The following TENM3 variants were observed in gnomAD, a reference collection of about 807,000 sequenced individuals.
The protein encoded by TENM3 is teneurin-3.
In TENM3, 63 loss-of-function variants were observed where a neutral mutation model predicts 255.1. The ratio of observed to expected loss-of-function variants is 0.25; its 90% CI spans 0.20 to 0.30. The LOEUF (loss-of-function observed/expected upper bound fraction) is 0.30, where lower values mean the gene tolerates loss of function less well. Among genes scored for constraint, TENM3 ranks in the 10% least tolerant of loss-of-function variants. TENM3 has a pLI of 1.00. For missense variants in TENM3, 2,929 were observed against 3,461.1 expected (o/e 0.85, Z 3.86); for synonymous variants, 1,306 against 1,322.3 (o/e 0.99, Z 0.27).
chr4:181,775,374 G>C, the TENM3 span, among the ~76,000 whole-genome samples: 3 of 152,078 alleles, frequency 2.0e-5, no homozygotes, highest in Admixed American at 1.3e-4. Flanking sequence ...GGTTTCGTTT[G>C]GGGCTGAGTT....
At chr4:182,628,919 C>T in intron 5 of TENM3, 30 bp downstream of exon 5, 1 of 1,306,836 alleles carries the variant, frequency 7.7e-7, no homozygotes, top group Non-Finnish European at 1.1e-6. Context: ...ATTACTTTGT[C>T]TGTAAATCAG....
the TENM3 span, among the ~76,000 whole-genome samples, chr4:181,496,282 A>G: frequency 2.1e-5 from 3 of 143,612 alleles, no homozygotes; most frequent in Non-Finnish European, 4.4e-5. Context: ...ACAATGTGAT[A>G]TTTGAAAGCT....
At chr4:181,955,703 C>T in the TENM3 span, among the ~76,000 whole-genome samples, 8 of 152,214 alleles carry the variant, frequency 5.3e-5, no homozygotes, top group Non-Finnish European at 8.8e-5. Flanking sequence ...AATTGGTTGA[C>T]GATAGGGAGC....
Position 182,789,087 on chromosome 4 carries a change from T to C in TENM3, c.5305-6T>C. 6.2e-7 allele frequency: 1 copy of C among 1,600,368 alleles called. No homozygotes were observed. Among genetic ancestry groups the C allele is most frequent in the Non-Finnish European group, 8.5e-7 (1 of 1,170,458 alleles). On this transcript the variant is annotated splice_region_variant and splice_polypyrimidine_tract_variant and intron_variant, in intron 24 of 27. Transcript: ENST00000511685. The surrounding 1 kb of genome is among the most constrained non-coding windows in gnomAD (Gnocchi z 4.4). ...TTATTTTATCATCTTGTTGGTGTTG[T>C]AACAGGTTAATGGCAGAAACCTCCT... is the stretch of plus-strand genomic sequence containing the variant.
chr4:182,441,489 C>T (rs1230754340), intron 3 of TENM3, among the ~76,000 whole-genome samples: 1 of 152,170 alleles, frequency 6.6e-6, no homozygotes, highest in African/African-American at 2.4e-5. Context: ...CCCAAACCAG[C>T]ATTTATTTTA....
At chr4:182,066,599 A>AAATATATATATATATATATAT in the TENM3 span, among the ~76,000 whole-genome samples, 1 of 137,106 alleles carries the variant, frequency 7.3e-6, no homozygotes, top group African/African-American at 2.9e-5. Context: ...GTAAAAAAAA[A>AAATATATATATATATATATAT]ATATATATAT....
At chr4:182,186,072 A>G (rs891322911) in intron 1 of TENM3, among the ~76,000 whole-genome samples, 1 of 152,192 alleles carries the variant, frequency 6.6e-6, no homozygotes, top group Admixed American at 6.5e-5. Context: ...TGGGAAAATT[A>G]CACAATTAAT....
In TENM3 at chr4:182,714,131, G is replaced by T; in HGVS notation, c.2266G>T (p.Asp756Tyr). 1 of 1,613,852 alleles carries T rather than the reference G, an allele frequency of 6.2e-7. No individual in the cohort carries two copies. Among genetic ancestry groups the T allele is most frequent in the Non-Finnish European group, 8.5e-7 (1 of 1,179,830 alleles). The part of the protein sequence containing the change: ...LCNSNGRCTL[D>Y]QNGWHCVCQP... The stretch of plus-strand genomic sequence containing the variant: ...CAACAGCAATGGAAGATGTACCCTG[G>T]ACCAAAATGGCTGGCATTGTGTGTG... The change falls in exon 13 of 28, where the codon GAC (aspartate) becomes TAC (tyrosine). Residue 756 changes from aspartate (D) to tyrosine (Y), a missense_variant. Transcript: ENST00000511685.
At chr4:182,675,640 A>G (rs941476311) in intron 7 of TENM3, among the ~76,000 whole-genome samples, 4 of 152,202 alleles carry the variant, frequency 2.6e-5, no homozygotes, top group African/African-American at 4.8e-5. Context: ...CCAGTGAAAT[A>G]TGAAAAAATA....
At chr4:182,574,304 A>T (rs1246459036) in intron 3 of TENM3, among the ~76,000 whole-genome samples, 1 of 152,020 alleles carries the variant, frequency 6.6e-6, no homozygotes, top group African/African-American at 2.4e-5. Flanking sequence ...ATTATTTATT[A>T]TTTATTTATT....
chr4:182,706,496 G>A (rs564252449), intron 12 of TENM3, among the ~76,000 whole-genome samples: 1 of 152,264 alleles, frequency 6.6e-6, no homozygotes, highest in East Asian at 1.9e-4. Context: ...GGGGAAGGAT[G>A]TTGTAAATAA....
the TENM3 span, among the ~76,000 whole-genome samples, chr4:181,849,969 A>ACACACACACACACACACACACC: frequency 2.1e-5 from 3 of 144,580 alleles, no homozygotes; most frequent in Middle Eastern, 3.6e-3. Context: ...ACACACACAC[A>ACACACACACACACACACACACC]CACACACACA....
chr4:182,440,775 C>T (rs769255670), intron 3 of TENM3, among the ~76,000 whole-genome samples: 12 of 150,820 alleles, frequency 8.0e-5, no homozygotes, highest in South Asian at 4.2e-4. Context: ...CTCACTTCTG[C>T]GGAAGACCGT....
the TENM3 span, among the ~76,000 whole-genome samples, chr4:181,733,030 A>T: frequency 6.6e-6 from 1 of 152,216 alleles, no homozygotes; most frequent in Admixed American, 6.5e-5. Flanking sequence ...GCCTAACTGT[A>T]CTGAGAGTAC....
the TENM3 span, among the ~76,000 whole-genome samples, chr4:181,801,649 AAAATAT>A: frequency 2.4e-4 from 27 of 113,414 alleles, no homozygotes; most frequent in African/African-American, 9.5e-4. Context: ...AAAGAATTGT[AAAATAT>A]ATATATATAT....
At chr4:182,454,841 C>T (rs1020860246) in intron 3 of TENM3, among the ~76,000 whole-genome samples, 14 of 152,104 alleles carry the variant, frequency 9.2e-5, no homozygotes, top group African/African-American at 3.1e-4. Flanking sequence ...CAAGAGCTAA[C>T]GTTTTTGGAA....
chr4:181,582,669 C>CAAAAAAAAAAAAAAA, the TENM3 span, among the ~76,000 whole-genome samples: 1 of 124,756 alleles, frequency 8.0e-6, no homozygotes, highest in Non-Finnish European at 1.6e-5. Flanking sequence ...CAAAACAAAT[C>CAAAAAAAAAAAAAAA]AAAAAAAAAA....
the TENM3 span, among the ~76,000 whole-genome samples, chr4:182,043,966 C>T: frequency 1.3e-5 from 2 of 152,162 alleles, no homozygotes; most frequent in East Asian, 3.9e-4. Flanking sequence ...GAATTCCACT[C>T]TTCCCACACT....
At chr4:182,149,812 A>T (rs1163983119) in intron 1 of TENM3, among the ~76,000 whole-genome samples, 1 of 152,032 alleles carries the variant, frequency 6.6e-6, no homozygotes, top group African/African-American at 2.4e-5. Flanking sequence ...ATCATTACTT[A>T]TGGAGATGTG....
Sources: allele counts gnomAD v4.1 joint callset (sites outside exome capture counted in the v4.1 genomes callset), GRCh38; gene constraint gnomAD v4.1.1; non-coding constraint Gnocchi (gnomAD v3.1); transcripts MANE v1.5; gene names NCBI Gene and HGNC (gene_info 2026-07-23, HGNC 2026-07-21).